PTPRT: variants seen among roughly 807,000 people sequenced by gnomAD.
The protein encoded by PTPRT is receptor-type tyrosine-protein phosphatase T.
In PTPRT, 56 loss-of-function variants were observed where a neutral mutation model predicts 176.8. The observed-to-expected ratio is 0.32, with a 90% CI of 0.26 to 0.40. The LOEUF (loss-of-function observed/expected upper bound fraction) is 0.40. Among genes scored for constraint, PTPRT ranks in the 10% least tolerant of loss-of-function variants. The pLI is 1.00. For missense variants in PTPRT, 1,540 were observed against 1,908.2 expected (o/e 0.81, Z 3.60); for synonymous variants, 783 against 739.0 (o/e 1.06, Z -0.96).
At chr20:42,766,507 C>T (rs558535983) in intron 5 of PTPRT, among the ~76,000 whole-genome samples, 31 of 152,296 alleles carry the variant, frequency 2.0e-4, no homozygotes, top group South Asian at 6.2e-4. Flanking sequence ...AAGCCAGCAC[C>T]GGCAGATGGG....
intron 7 of PTPRT, among the ~76,000 whole-genome samples, chr20:42,506,994 A>G (rs2071857095): frequency 6.6e-6 from 1 of 152,174 alleles, no homozygotes; most frequent in South Asian, 2.1e-4. Context: ...CTTTGAAAGT[A>G]GACAGAAGTG....
intron 7 of PTPRT, among the ~76,000 whole-genome samples, chr20:42,510,323 A>G (rs1263815595): frequency 6.6e-6 from 1 of 152,052 alleles, no homozygotes; most frequent in Non-Finnish European, 1.5e-5. Flanking sequence ...TTCCCTACCT[A>G]GGAACAAAAG....
chr20:42,693,582 T>C (rs1352200145), intron 6 of PTPRT, among the ~76,000 whole-genome samples: 1 of 152,200 alleles, frequency 6.6e-6, no homozygotes, highest in African/African-American at 2.4e-5. Context: ...ACTTGATCTG[T>C]GATACAGCTG....
chr20:42,324,541 A>G (rs562510022), intron 11 of PTPRT, among the ~76,000 whole-genome samples: 1 of 152,314 alleles, frequency 6.6e-6, no homozygotes, highest in African/African-American at 2.4e-5. Context: ...AGCTGTTAAG[A>G]GAAACAGACT....
chr20:42,950,035 G>A (rs977518335), intron 1 of PTPRT, among the ~76,000 whole-genome samples: 2 of 152,158 alleles, frequency 1.3e-5, no homozygotes, highest in African/African-American at 2.4e-5. Flanking sequence ...AGAACTAACC[G>A]TGTCTTTGGG....
intron 12 of PTPRT, among the ~76,000 whole-genome samples, chr20:42,297,476 T>C (rs888067338): frequency 7.9e-5 from 12 of 152,198 alleles, no homozygotes; most frequent in Non-Finnish European, 1.5e-4. Flanking sequence ...AATTAATGTA[T>C]AAATTTAATG....
intron 1 of PTPRT, among the ~76,000 whole-genome samples, chr20:42,962,913 T>C (rs1178610371): frequency 6.6e-6 from 1 of 151,766 alleles, no homozygotes; most frequent in African/African-American, 2.4e-5. Context: ...CTAAAAACAG[T>C]ACAAGCTGGG....
chr20:42,283,487 A>G (rs2147060296), intron 12 of PTPRT, among the ~76,000 whole-genome samples: 1 of 152,226 alleles, frequency 6.6e-6, no homozygotes, highest in Non-Finnish European at 1.5e-5. Context: ...AGGCCATAAT[A>G]AAACCCCTGA....
chr20:42,440,885 G>T (rs977712551), intron 9 of PTPRT, among the ~76,000 whole-genome samples: 3 of 152,192 alleles, frequency 2.0e-5, no homozygotes, highest in African/African-American at 7.2e-5. Flanking sequence ...TCTTACTCAG[G>T]AGAGCTCAGT....
chr20:42,520,077 T>A (rs1276281283), intron 7 of PTPRT, among the ~76,000 whole-genome samples: 1 of 152,154 alleles, frequency 6.6e-6, no homozygotes, highest in Non-Finnish European at 1.5e-5. Context: ...CTCTTTTTGT[T>A]AGTTTTGCCC....
chr20:42,455,205 T>C (rs1665377733), intron 8 of PTPRT, among the ~76,000 whole-genome samples: 3 of 152,030 alleles, frequency 2.0e-5, no homozygotes, highest in African/African-American at 7.2e-5. Context: ...AAAAGAAAAA[T>C]ACTAAGCTCC....
intron 15 of PTPRT, among the ~76,000 whole-genome samples, chr20:42,222,704 T>C (rs2055913250): frequency 6.6e-6 from 1 of 152,308 alleles, no homozygotes; most frequent in East Asian, 1.9e-4. Context: ...CCATACCTCT[T>C]CCCCCAAACC....
chr20:42,823,955 TAAAAC>T (rs2077947079), intron 2 of PTPRT, among the ~76,000 whole-genome samples: 1 of 151,068 alleles, frequency 6.6e-6, no homozygotes, highest in Non-Finnish European at 1.5e-5. Flanking sequence ...AACAAATAGA[TAAAAC>T]ACAACAGCTT....
chr20:42,835,393 T>A (rs906190025), intron 2 of PTPRT, among the ~76,000 whole-genome samples: 13 of 152,180 alleles, frequency 8.5e-5, no homozygotes, highest in African/African-American at 3.1e-4. Flanking sequence ...GGTTTGTAAG[T>A]GAGGACGTAC....
At chr20:42,953,209 G>T (rs956545720) in intron 1 of PTPRT, among the ~76,000 whole-genome samples, 10 of 152,290 alleles carry the variant, frequency 6.6e-5, no homozygotes, top group African/African-American at 2.4e-4. Context: ...CAGCAGAGGG[G>T]CAAGGCTGCA....
intron 11 of PTPRT, among the ~76,000 whole-genome samples, chr20:42,331,813 T>G (rs2057968704): frequency 6.6e-6 from 1 of 152,126 alleles, no homozygotes; most frequent in Non-Finnish European, 1.5e-5. Flanking sequence ...TATACCAAAT[T>G]CCAGAGATGT....
intron 7 of PTPRT, among the ~76,000 whole-genome samples, chr20:42,532,981 G>C (rs1439538594): frequency 6.6e-6 from 1 of 152,138 alleles, no homozygotes; most frequent in Non-Finnish European, 1.5e-5. Context: ...AATGCAGGGA[G>C]AGTTATGGGA....
chr20:42,948,066 T>G (rs1053077580), intron 1 of PTPRT, among the ~76,000 whole-genome samples: 1 of 152,222 alleles, frequency 6.6e-6, no homozygotes, highest in Admixed American at 6.5e-5. Context: ...ACTCTCTCCC[T>G]CTTCGTATCC....
chr20:43,122,644 GC>G (rs1222342424), intron 1 of PTPRT, among the ~76,000 whole-genome samples: 44 of 152,166 alleles, frequency 2.9e-4, no homozygotes, highest in African/African-American at 9.9e-4. Flanking sequence ...AGTGCCTTGG[GC>G]CTCCCCCTTC....
Sources: gnomAD v4.1 joint callset for allele counts (sites outside exome capture counted in the v4.1 genomes callset) on GRCh38, gnomAD v4.1.1 for gene constraint, MANE v1.5 for transcripts, NCBI Gene and HGNC (gene_info 2026-07-23, HGNC 2026-07-21) for gene names.